SPAST: variants seen among roughly 807,000 people sequenced by gnomAD.
SPAST encodes the protein spastin.
Under a neutral mutation model 76.6 loss-of-function variants are expected in SPAST, and 30 were observed. That is an observed-to-expected ratio of 0.39 (90% CI 0.29 to 0.53). SPAST has a LOEUF of 0.53. Ranked by LOEUF, SPAST falls within the 20% of genes least tolerant of loss-of-function variation. The pLI is 0.68. For missense variants in SPAST, 717 were observed against 770.5 expected (o/e 0.93, Z 0.82); for synonymous variants, 305 against 281.0 (o/e 1.09, Z -0.86).
rs138579773 is a variant in SPAST, at chr2:32,145,293, C to T, written c.1687+286C>T. 2.7e-3 allele frequency among the ~76,000 whole-genome samples: 413 copies of T among 152,228 alleles called. 1 individual carries two copies. The highest frequency in any genetic ancestry group is 6.8e-3 in the Middle Eastern group (2 of 294). On this transcript the variant is annotated intron_variant, in intron 15 of 16. Coordinates refer to ENST00000315285, the MANE Select transcript of SPAST (RefSeq NM_014946.4). ...TTTATTTCTTGTAGAGACAGGGTTT[C>T]ACCATGTTGCCCAAGCTGGTCTTGA...
At chr2:32,095,136 C>A (rs183068405) in intron 3 of SPAST, among the ~76,000 whole-genome samples, 14 of 152,198 alleles carry the variant, frequency 9.2e-5, no homozygotes, top group Non-Finnish European at 1.5e-4. Context: ...AGGCTTGCAC[C>A]AGGGTAGTAT....
At chr2:32,083,768 ATATATATAT>A (rs1558620253) in intron 1 of SPAST, among the ~76,000 whole-genome samples, 76 of 51,582 alleles carry the variant, frequency 1.5e-3, no homozygotes, top group African/African-American at 4.2e-3. Context: ...ATATATATAT[ATATATATAT>A]TTTTTTTTTT....
intron 4 of SPAST, among the ~76,000 whole-genome samples, chr2:32,108,048 G>GA (rs201496719): frequency 4.6e-5 from 7 of 151,556 alleles, no homozygotes; most frequent in African/African-American, 7.3e-5. Flanking sequence ...CCTTACTCAA[G>GA]AAAAAAAAGC....
In SPAST at chr2:32,114,947, A is replaced by G. The variant is rs72796859; in HGVS notation, c.870+122A>G. 26,481 of 724,436 alleles carry G rather than the reference A, an allele frequency of 0.037. 667 individuals are homozygous for G. The highest frequency in any genetic ancestry group is 0.044 in the Non-Finnish European group (19,499 of 448,178). 44.9% of individuals were successfully genotyped at this position (724,436 alleles called of 1,614,324 possible). On this transcript the variant is annotated intron_variant, in intron 5 of 16. Transcript: ENST00000315285. ...TACTTTAGAGAATGGATAAGTTTCC[A>G]TAAAGTTAAATTTTTTTTTTTTTTT...
intron 1 of SPAST, among the ~76,000 whole-genome samples, chr2:32,073,767 G>T (rs1245579892): frequency 6.6e-6 from 1 of 152,050 alleles, no homozygotes; most frequent in African/African-American, 2.4e-5. Flanking sequence ...AAACATCTTT[G>T]AACACTGTCA....
At position 32,154,665 on chromosome 2, in the gene SPAST, T is replaced by C. The variant is rs953731646; in HGVS notation, c.*169T>C. 2.9e-6 allele frequency: 2 copies of C among 680,840 alleles called. No homozygotes were observed. Among genetic ancestry groups the C allele is most frequent in the South Asian group, 1.8e-5 (1 of 55,424 alleles). 42.2% of individuals were successfully genotyped at this position (680,840 alleles called of 1,614,324 possible). On this transcript the variant is annotated 3_prime_UTR_variant, in exon 17 of 17. Coordinates refer to ENST00000315285, the MANE Select transcript of SPAST (RefSeq NM_014946.4). ...AACCAGAAAACAGACTTAAACAAAA[T>C]ATACAATGCAAATGTAATTTTTTGT...
In SPAST at chr2:32,098,871, G is replaced by T. The variant is rs765786158; in HGVS notation, c.662G>T (p.Arg221Leu). Residue 221 changes from arginine to leucine, a missense_variant, in exon 4 of 17, where the codon CGC becomes CTC. Arg to Leu is a moderately radical substitution (Grantham distance 102). Coordinates refer to ENST00000315285, the MANE Select transcript of SPAST (RefSeq NM_014946.4). ...AATGACAGTACTAACTTGGCATGCCGCAATGGACATCTCCAGTCAGGTGGG... is the reference window on the plus strand; with the variant it reads ...AATGACAGTACTAACTTGGCATGCCTCAATGGACATCTCCAGTCAGGTGGG... Reference protein sequence around the residue: ...VYNDSTNLACRNGHLQSESGA... With the variant: ...VYNDSTNLACLNGHLQSESGA... 1 of 1,612,688 alleles carries T rather than the reference G, an allele frequency of 6.2e-7. No homozygotes were observed. Among genetic ancestry groups the T allele is most frequent in the Admixed American group, 1.7e-5 (1 of 59,998 alleles).
intron 7 of SPAST, 83 bp from the exon 8 acceptor site, chr2:32,126,865 A>G: frequency 1.1e-6 from 1 of 889,498 alleles, no homozygotes; most frequent in South Asian, 1.4e-5. Flanking sequence ...GATGCTACTG[A>G]AAAAAGGATG....
At chr2:32,147,390 T>A in intron 16 of SPAST, 132 bp downstream of exon 16, 1 of 592,568 alleles carries the variant, frequency 1.7e-6, no homozygotes, top group East Asian at 2.9e-5. Context: ...TGGCATGATA[T>A]CGGCTCACTG....
chr2:32,141,965 AT>A lies in SPAST; in HGVS notation c.1536+27del, dbSNP rs762213277. On this transcript the variant is annotated intron_variant, in intron 13 of 16. Coordinates refer to ENST00000315285, the MANE Select transcript of SPAST (RefSeq NM_014946.4). ...TGAGGAGGTATGTATCTGTGTTTGA[AT>A]TTTTTTTGTTTTAGAGCAGAAACAA... 4.7e-5 allele frequency: 76 copies of A among 1,604,190 alleles called. No individual in the cohort carries two copies. The highest frequency in any genetic ancestry group is 5.6e-5 in the Non-Finnish European group (66 of 1,172,200).
chr2:32,128,375 C>T (rs558163474), intron 8 of SPAST, 33 bp from the exon 9 acceptor site: 1 of 1,403,994 alleles, frequency 7.1e-7, no homozygotes, highest in African/African-American at 1.4e-5. Context: ...ATATATTGAA[C>T]TAATTTAATA....
chr2:32,137,471 C>T (rs977361067), intron 12 of SPAST, among the ~76,000 whole-genome samples: 13 of 152,172 alleles, frequency 8.5e-5, no homozygotes, highest in Admixed American at 5.2e-4. Context: ...TGATTCTTAC[C>T]GTCTTTTATT....
At chr2:32,069,551 C>CTTTTTTTTTTTTT (rs36023742) in intron 1 of SPAST, among the ~76,000 whole-genome samples, 1 of 139,630 alleles carries the variant, frequency 7.2e-6, no homozygotes. Context: ...CATGACTTAT[C>CTTTTTTTTTTTTT]TTTTTTTTTT....
intron 9 of SPAST, among the ~76,000 whole-genome samples, chr2:32,135,565 T>C (rs1679509665): frequency 6.6e-6 from 1 of 152,176 alleles, no homozygotes; most frequent in African/African-American, 2.4e-5. Flanking sequence ...TCATGACTCA[T>C]TACTTTGGTG....
intron 8 of SPAST, 170 bp from the exon 9 acceptor site, chr2:32,128,238 G>C (rs1180734423): frequency 1.8e-6 from 1 of 568,576 alleles, no homozygotes; most frequent in East Asian, 3.2e-5. Flanking sequence ...CAAGTGATGC[G>C]CCTGCCTCGG....
At chr2:32,065,741 A>G (rs1676483507) in intron 1 of SPAST, among the ~76,000 whole-genome samples, 1 of 152,184 alleles carries the variant, frequency 6.6e-6, no homozygotes, top group African/African-American at 2.4e-5. Flanking sequence ...CACTTCATTC[A>G]TAGTGTCTGT....
intron 12 of SPAST, among the ~76,000 whole-genome samples, chr2:32,137,627 A>G (rs549402277): frequency 6.6e-6 from 1 of 152,200 alleles, no homozygotes; most frequent in Non-Finnish European, 1.5e-5. Flanking sequence ...AGGAATTTAC[A>G]ATATTGCTCC....
intron 9 of SPAST, among the ~76,000 whole-genome samples, chr2:32,135,743 A>G (rs1049280359): frequency 6.6e-6 from 1 of 152,108 alleles, no homozygotes; most frequent in African/African-American, 2.4e-5. Context: ...ACTTGAGGTC[A>G]GGAGTTTGAG....
chr2:32,143,045 C>T (rs1012510264), intron 13 of SPAST, among the ~76,000 whole-genome samples: 1 of 151,928 alleles, frequency 6.6e-6, no homozygotes, highest in East Asian at 1.9e-4. Flanking sequence ...GTGGGAGGAT[C>T]GCTTGAGCCA....
Sources: allele counts gnomAD v4.1 joint callset (sites outside exome capture counted in the v4.1 genomes callset), GRCh38; gene constraint gnomAD v4.1.1; transcripts MANE v1.5; gene names NCBI Gene and HGNC (gene_info 2026-07-23, HGNC 2026-07-21).